The following BCAN variants were observed in gnomAD, a reference collection of about 807,000 sequenced individuals.
BCAN encodes brevican core protein.
In BCAN, 51 loss-of-function variants were observed where a neutral mutation model predicts 92.4. That is an observed-to-expected ratio of 0.55 (90% CI 0.44 to 0.70). The LOEUF is 0.70. Ranked by LOEUF, BCAN falls within the 30% of genes least tolerant of loss-of-function variation. The pLI is 0.00. For missense variants in BCAN, 1,140 were observed against 1,212.1 expected, an observed-to-expected ratio of 0.94 and a Z score of 0.88; for synonymous variants, 501 against 505.2, an observed-to-expected ratio of 0.99 and a Z score of 0.11.
chr1:156,656,956 C>T lies in BCAN; in HGVS notation c.2069C>T (p.Pro690Leu), dbSNP rs149262123. The T allele has an allele frequency of 1.9e-6, 3 of 1,613,806 alleles. No individual in the cohort carries two copies. Among genetic ancestry groups the T allele is most frequent in the Non-Finnish European group, 2.5e-6 (3 of 1,179,836 alleles). Residue 690 changes from proline to leucine, a missense_variant, in exon 10 of 14, where the codon CCC (proline) becomes CTC (leucine). Pro to Leu is a moderately conservative substitution (Grantham distance 98). Transcript: ENST00000329117. The stretch of plus-strand genomic sequence containing the variant: ...GCCGCAGGCCTCCGCTTCTGCAACC[C>T]CGGCTGGGACGCCTTCCAGGGCGCC... ...LCDVGLRFCN[P>L]GWDAFQGACY...
Position 156,658,077 on chromosome 1 carries a change from C to T in BCAN, c.2293-50C>T. On this transcript the variant is annotated intron_variant, in intron 11 of 13. Coordinates refer to ENST00000329117, the MANE Select transcript of BCAN (RefSeq NM_021948.5). This position sits in a 1 kb window ranked among gnomAD's most constrained non-coding sequence, Gnocchi z 4.4. The stretch of plus-strand genomic sequence containing the variant: ...CCTCCCCAGATCCTCTAGGCCCTCT[C>T]CCGGTGCTCCTGGTGTAGGAGCTCC... The T allele has an allele frequency of 5.6e-6, 9 of 1,595,196 alleles. No individual in the cohort carries two copies. The highest frequency in any genetic ancestry group is 6.8e-6 in the Non-Finnish European group (8 of 1,168,698).
chr1:156,653,509 C>T (rs1235987647), intron 8 of BCAN: 4 of 986,724 alleles, frequency 4.1e-6, no homozygotes, highest in Non-Finnish European at 4.8e-6. Context: ...CTGCTGTCCA[C>T]CTCTCTCATT....
chr1:156,648,215 G>A, intron 5 of BCAN, 105 bp downstream of exon 5: 5 of 1,458,402 alleles, frequency 3.4e-6, no homozygotes, highest in Non-Finnish European at 4.7e-6. Flanking sequence ...CTGAGTTTAA[G>A]GGGGCAAGCA....
chr1:156,646,695 A>G (rs1678983418), intron 2 of BCAN, 106 bp from the exon 3 acceptor site: 1 of 1,469,976 alleles, frequency 6.8e-7, no homozygotes, highest in East Asian at 2.4e-5. Flanking sequence ...GGGGCCGGGG[A>G]ATCCTGGGGC....
intron 10 of BCAN, chr1:156,657,355 G>T: frequency 1.7e-6 from 1 of 572,992 alleles, no homozygotes. Flanking sequence ...GCAGGGGGCC[G>T]CCTCCAATCC....
In BCAN at chr1:156,647,309, G is replaced by A. The variant is rs1365355630; in HGVS notation, c.466+134G>A. 1 of 1,224,344 alleles carries A rather than the reference G, an allele frequency of 8.2e-7. No individual in the cohort carries two copies. The highest frequency in any genetic ancestry group is 1.1e-6 in the Non-Finnish European group (1 of 897,924). The allele number at this position is 1,224,344 out of a possible 1,614,324, so 75.8% of individuals were successfully genotyped here. A position where few individuals can be genotyped will look rare whatever the true frequency, so the allele number is the denominator to read the frequency against. ...CAGCCTGGGTTGGAAAAAGAGTGAG[G>A]AGACACGGGCCTTTGTTGTCTCCTT... On this transcript the variant is annotated intron_variant, in intron 3 of 13. Transcript: ENST00000329117. This position sits in a 1 kb window ranked among gnomAD's most constrained non-coding sequence, Gnocchi z 4.8.
Position 156,648,803 on chromosome 1 carries a change from C to G in BCAN, c.1005C>G (p.Phe335Leu). The G allele has an allele frequency of 6.3e-7, 1 of 1,595,984 alleles. No individual in the cohort carries two copies. Among genetic ancestry groups the G allele is most frequent in the African/African-American group, 1.3e-5 (1 of 74,772 alleles). The change falls in exon 6 of 14, where the codon TTC becomes TTG. Residue 335 changes from phenylalanine (F) to leucine (L), a missense_variant. Phe to Leu is a conservative substitution (Grantham distance 22). Coordinates refer to ENST00000329117, the MANE Select transcript of BCAN (RefSeq NM_021948.5). ...CTGGTGTCAAGACTCTCTTCCTCTTCCCCAACCAGACTGGCTTCCCCAATA... is the reference window on the plus strand; with the variant it reads ...CTGGTGTCAAGACTCTCTTCCTCTTGCCCAACCAGACTGGCTTCCCCAATA... ...GLPGVKTLFL[F>L]PNQTGFPNKH...
rs746823037 is a variant in BCAN, at chr1:156,647,184, G to T, written c.466+9G>T. 3 of 1,464,332 alleles carry T rather than the reference G, an allele frequency of 2.0e-6. No individual in the cohort carries two copies. Among genetic ancestry groups the T allele is most frequent in the Non-Finnish European group, 2.8e-6 (3 of 1,084,128 alleles). 90.7% of individuals were successfully genotyped at this position (1,464,332 alleles called of 1,614,324 possible). ...GGAGGTCAAGGTCAAAGGTGAGAGGGCAGGGAGGTTCCAGAGGGAGGGAGG... is the reference window on the plus strand; with the variant it reads ...GGAGGTCAAGGTCAAAGGTGAGAGGTCAGGGAGGTTCCAGAGGGAGGGAGG... On this transcript the variant is annotated intron_variant, in intron 3 of 13. Coordinates refer to ENST00000329117, the MANE Select transcript of BCAN (RefSeq NM_021948.5). This position sits in a 1 kb window ranked among gnomAD's most constrained non-coding sequence, Gnocchi z 4.8.
In BCAN at chr1:156,647,921, C is replaced by CA. The variant is rs1470569329; in HGVS notation, c.642-60dup. The CA allele has an allele frequency of 5.0e-6, 8 of 1,605,818 alleles. No homozygotes were observed. Among genetic ancestry groups the CA allele is most frequent in the Non-Finnish European group, 6.8e-6 (8 of 1,172,972 alleles). On this transcript the variant is annotated intron_variant, in intron 4 of 13. Transcript: ENST00000329117. This position sits in a 1 kb window ranked among gnomAD's most constrained non-coding sequence, Gnocchi z 4.8. ...TGGTGGCAGTGGGGTTCAATAGAAT[C>CA]AATATGGGCTGGCTCCCTGGTGAAA... is the stretch of plus-strand genomic sequence containing the variant.
At chr1:156,654,737 G>A (rs1679280142) in intron 8 of BCAN, among the ~76,000 whole-genome samples, 1 of 152,202 alleles carries the variant, frequency 6.6e-6, no homozygotes, top group East Asian at 1.9e-4. Flanking sequence ...AGGAAAGTGT[G>A]AGGAGTGGGA....
intron 11 of BCAN, 66 bp downstream of exon 11, chr1:156,657,823 C>T: frequency 3.7e-6 from 5 of 1,353,144 alleles, no homozygotes; most frequent in South Asian, 1.3e-5. Flanking sequence ...TTCCCTACCA[C>T]CCCCACCCCT....
At chr1:156,657,221 A>C in intron 10 of BCAN, 125 bp downstream of exon 10, 1 of 1,219,058 alleles carries the variant, frequency 8.2e-7, no homozygotes, top group South Asian at 1.5e-5. Context: ...GCATTCCCTC[A>C]CTCATTCGTT....
Position 156,658,409 on chromosome 1 carries a change from C to T in BCAN, c.2438-134C>T, listed in dbSNP as rs1463918544. On this transcript the variant is annotated intron_variant, in intron 12 of 13. Coordinates refer to ENST00000329117, the MANE Select transcript of BCAN (RefSeq NM_021948.5). This position sits in a 1 kb window ranked among gnomAD's most constrained non-coding sequence, Gnocchi z 4.4. The stretch of plus-strand genomic sequence containing the variant: ...GTGTTCCAGACCATGGGAGAGCTAA[C>T]AAGTTACGTGGGTCCACTCGGAATC... 6.8e-7 allele frequency: 1 copy of T among 1,460,400 alleles called. No individual in the cohort carries two copies. Among genetic ancestry groups the T allele is most frequent in the South Asian group, 1.3e-5 (1 of 74,790 alleles). The allele number at this position is 1,460,400 out of a possible 1,614,324, so 90.5% of individuals were successfully genotyped here. A position where few individuals can be genotyped will look rare whatever the true frequency, so the allele number is the denominator to read the frequency against.
rs971158580 is a variant in BCAN, at chr1:156,656,965, A to T, written c.2078A>T (p.Asp693Val). The change falls in exon 10 of 14, where the codon GAC becomes GTC. Residue 693 changes from aspartate (D) to valine (V), a missense_variant. Coordinates refer to ENST00000329117, the MANE Select transcript of BCAN (RefSeq NM_021948.5). The part of the protein sequence containing the change: ...VGLRFCNPGW[D>V]AFQGACYKHF... ...CTCCGCTTCTGCAACCCCGGCTGGGACGCCTTCCAGGGCGCCTGCTACAAG... is the reference window on the plus strand; with the variant it reads ...CTCCGCTTCTGCAACCCCGGCTGGGTCGCCTTCCAGGGCGCCTGCTACAAG... 6.2e-7 allele frequency: 1 copy of T among 1,613,780 alleles called. No homozygotes were observed. The highest frequency in any genetic ancestry group is 1.3e-5 in the African/African-American group (1 of 74,858).
At chr1:156,650,715 C>T (rs142541157) in intron 6 of BCAN, among the ~76,000 whole-genome samples, 3 of 152,224 alleles carry the variant, frequency 2.0e-5, no homozygotes, top group Non-Finnish European at 4.4e-5. Context: ...CTTTGGGAGG[C>T]CAAGACCACT....
chr1:156,647,630 C>G lies in BCAN; in HGVS notation c.589C>G (p.Leu197Val), dbSNP rs908542148. 1.2e-6 allele frequency: 2 copies of G among 1,611,846 alleles called. No individual in the cohort carries two copies. The highest frequency in any genetic ancestry group is 1.7e-5 in the Admixed American group (1 of 59,666). The change falls in exon 4 of 14, where the codon CTT becomes GTT. Residue 197 changes from leucine (L) to valine (V), a missense_variant. Transcript: ENST00000329117. This position sits in a 1 kb window ranked among gnomAD's most constrained non-coding sequence, Gnocchi z 4.8. ...ATPEQLYAAY[L>V]GGYEQCDAGW... ...CCCGGAGCAGCTCTATGCCGCCTACCTTGGGGGCTATGAGCAATGTGATGC... is the reference window on the plus strand; with the variant it reads ...CCCGGAGCAGCTCTATGCCGCCTACGTTGGGGGCTATGAGCAATGTGATGC...
chr1:156,650,000 CTG>C (rs1679109904), intron 6 of BCAN: 1 of 514,164 alleles, frequency 1.9e-6, no homozygotes. Context: ...TGAGGAGAGA[CTG>C]AGAGAAAAGC....
At chr1:156,650,138 G>T (rs1187020984) in intron 6 of BCAN, among the ~76,000 whole-genome samples, 1 of 152,080 alleles carries the variant, frequency 6.6e-6, no homozygotes, top group African/African-American at 2.4e-5. Flanking sequence ...AGTAGTAGTA[G>T]TAGTAGTAGT....
chr1:156,652,866 G>A lies in BCAN; in HGVS notation c.1916G>A (p.Gly639Asp), dbSNP rs773275219. 1 of 1,613,836 alleles carries A rather than the reference G, an allele frequency of 6.2e-7. No homozygotes were observed. Among genetic ancestry groups the A allele is most frequent in the Non-Finnish European group, 8.5e-7 (1 of 1,180,018 alleles). Reference protein sequence around the residue: ...PVLPTDSASRGGVAVVPASGD... With the variant: ...PVLPTDSASRDGVAVVPASGD... ...CTGCCCACTGACAGCGCCAGCCGAG[G>A]TGGAGTGGCCGTGGTCCCCGCATCA... Residue 639 changes from glycine (G) to aspartate (D), a missense_variant, in exon 8 of 14, where the codon GGT becomes GAT. This residue lies in a region of BCAN where 825 missense variants were observed against 871.8 expected (regional missense o/e 0.95). Transcript: ENST00000329117.
Sources: gnomAD v4.1 joint callset for allele counts (sites outside exome capture counted in the v4.1 genomes callset) on GRCh38, gnomAD v4.1.1 for gene constraint, gnomAD v4.1.1 regional missense constraint, Gnocchi (gnomAD v3.1) non-coding constraint, MANE v1.5 for transcripts, NCBI Gene and HGNC (gene_info 2026-07-23, HGNC 2026-07-21) for gene names.